Variants in NPRL3 observed in about 807,000 individuals in gnomAD.
NPRL3 encodes GATOR1 complex protein NPRL3.
Under a neutral mutation model 57.2 loss-of-function variants are expected in NPRL3, and 23 were observed. The observed-to-expected ratio is 0.40, with a 90% confidence interval of 0.29 to 0.57. The LOEUF is 0.57. Among genes scored for constraint, NPRL3 ranks in the 20% least tolerant of loss-of-function variants. The pLI, the probability that NPRL3 is intolerant of heterozygous loss-of-function variation, is 0.42. For missense variants in NPRL3, 691 were observed against 767.1 expected, an observed-to-expected ratio of 0.90 and a Z score of 1.17; for synonymous variants, 333 against 321.1, an observed-to-expected ratio of 1.04 and a Z score of -0.39.
rs142080016 is a variant in NPRL3 at position 110,516 on chromosome 16, C to G, written c.629+9G>C. ...GAAGGAGGTTAATAAGCACACCCAC[C>G]TGTCTTACCTGTCATAAGCTTCCTT... On this transcript the variant is annotated intron_variant, in intron 7 of 13. Transcript: ENST00000611875. 5.3e-4 allele frequency: 853 copies of G among 1,608,376 alleles called. No homozygotes were observed. The African/African-American group carries it at 0.01, about 19-fold the overall frequency.
chr16:87,557 G>A (rs1485293430), intron 13 of NPRL3, among the ~76,000 whole-genome samples: 1 of 134,878 alleles, frequency 7.4e-6, no homozygotes, highest in African/African-American at 2.8e-5. Context: ...TTTTTGAGAC[G>A]GAGTCTCGCT....
intron 3 of NPRL3, among the ~76,000 whole-genome samples, chr16:129,285 T>A (rs1290633534): frequency 6.6e-6 from 1 of 152,104 alleles, no homozygotes; most frequent in Non-Finnish European, 1.5e-5. Flanking sequence ...GAACAGGAAA[T>A]ACCTACCCAC....
rs542308169 is a variant in NPRL3, at chr16:96,004, C to G, written c.924+2141G>C. On this transcript the variant is annotated intron_variant, in intron 9 of 13. Coordinates refer to ENST00000611875, the MANE Select transcript of NPRL3 (RefSeq NM_001077350.3). ...CCGCACCGCCACACCAGCAGCAACG[C>G]CCTGCTGACCTGCAGCAGGGACAGC... Among the ~76,000 whole-genome samples the G allele has an allele frequency of 3.9e-5, 6 of 152,316 alleles. No homozygotes were observed. In the South Asian group the frequency reaches 1.2e-3, roughly 32 times the overall value.
chr16:131,854 C>T (rs929998554), intron 2 of NPRL3, among the ~76,000 whole-genome samples: 3 of 152,164 alleles, frequency 2.0e-5, no homozygotes, highest in African/African-American at 7.2e-5. Flanking sequence ...CACCACAGAA[C>T]TTCTTTCAGA....
chr16:108,660 TTTG>T (rs1448168313), intron 7 of NPRL3, among the ~76,000 whole-genome samples: 4 of 84,208 alleles, frequency 4.8e-5, no homozygotes, highest in African/African-American at 2.2e-4. Context: ...TTATTTTACT[TTTG>T]TTTTTTAATT....
intron 5 of NPRL3, among the ~76,000 whole-genome samples, chr16:115,732 C>T (rs886249121): frequency 2.6e-5 from 4 of 152,176 alleles, no homozygotes; most frequent in South Asian, 2.1e-4. Context: ...GTGATCCGCC[C>T]GCTTCAGCCT....
At chr16:95,643 C>T (rs1209374602) in intron 9 of NPRL3, among the ~76,000 whole-genome samples, 1 of 152,078 alleles carries the variant, frequency 6.6e-6, no homozygotes, top group Non-Finnish European at 1.5e-5. Flanking sequence ...AATCACAATT[C>T]ACTGCAGCCT....
At chr16:93,394 C>T (rs1344430980) in intron 9 of NPRL3, 69 bp from the exon 10 acceptor site, 4 of 1,041,914 alleles carry the variant, frequency 3.8e-6, no homozygotes, top group South Asian at 1.4e-5. Flanking sequence ...CAGCAGCTCT[C>T]AGCCTGGGTG....
At chr16:109,024 A>G (rs1483455060) in intron 7 of NPRL3, among the ~76,000 whole-genome samples, 4 of 149,614 alleles carry the variant, frequency 2.7e-5, no homozygotes, top group African/African-American at 9.9e-5. Flanking sequence ...GCCAGAGTAC[A>G]ATGGTACAAC....
chr16:93,365 C>G (rs887404817), intron 9 of NPRL3, 40 bp from the exon 10 acceptor site: 1 of 1,373,436 alleles, frequency 7.3e-7, no homozygotes, highest in South Asian at 1.2e-5. Context: ...ATGCCTGAGG[C>G]TGGCCCACCG....
intron 11 of NPRL3, among the ~76,000 whole-genome samples, chr16:92,126 TACCC>T (rs1233369063): frequency 6.6e-6 from 1 of 152,128 alleles, no homozygotes; most frequent in Non-Finnish European, 1.5e-5. Context: ...CCAGAACTCA[TACCC>T]ACAGACCCTG....
intron 12 of NPRL3, 171 bp from the exon 13 acceptor site, chr16:89,061 C>T: frequency 1.6e-6 from 1 of 634,252 alleles, no homozygotes; most frequent in Admixed American, 2.7e-5. Context: ...GTGACACGCC[C>T]CTCATACGGC....
At chr16:97,695 G>A (rs1899079159) in intron 9 of NPRL3, among the ~76,000 whole-genome samples, 1 of 152,008 alleles carries the variant, frequency 6.6e-6, no homozygotes, top group African/African-American at 2.4e-5. Flanking sequence ...GCACACACAG[G>A]GGCGTAAGGC....
At chr16:129,079 A>G (rs1202441151) in intron 3 of NPRL3, among the ~76,000 whole-genome samples, 1 of 152,236 alleles carries the variant, frequency 6.6e-6, no homozygotes, top group Non-Finnish European at 1.5e-5. Context: ...TATTAAATTA[A>G]TTCCCTAGAA....
intron 7 of NPRL3, among the ~76,000 whole-genome samples, chr16:105,812 C>T (rs920333173): frequency 6.6e-6 from 1 of 152,148 alleles, no homozygotes. Context: ...CTGGGAGACA[C>T]AATTCAATGG....
chr16:125,267 A>G (rs551953082), intron 3 of NPRL3, among the ~76,000 whole-genome samples: 12 of 152,302 alleles, frequency 7.9e-5, no homozygotes, highest in Non-Finnish European at 1.6e-4. Flanking sequence ...CAGGTTGTAC[A>G]GTATGAAAGC....
intron 11 of NPRL3, among the ~76,000 whole-genome samples, chr16:91,846 T>G (rs767091411): frequency 2.6e-5 from 4 of 152,224 alleles, no homozygotes; most frequent in Non-Finnish European, 5.9e-5. Context: ...GTATCCTATC[T>G]GGCCCTGCTC....
At chr16:107,710 T>C (rs1899599160) in intron 7 of NPRL3, among the ~76,000 whole-genome samples, 1 of 152,164 alleles carries the variant, frequency 6.6e-6, no homozygotes, top group Admixed American at 6.5e-5. Flanking sequence ...TGGAGTACAG[T>C]GGCTACTCAG....
intron 4 of NPRL3, among the ~76,000 whole-genome samples, chr16:118,796 G>A (rs529441822): frequency 2.0e-5 from 3 of 152,356 alleles, no homozygotes; most frequent in Admixed American, 1.3e-4. Flanking sequence ...GCCGGCCCAG[G>A]GAGAGCCACA....
Sources: allele counts gnomAD v4.1 joint callset (sites outside exome capture counted in the v4.1 genomes callset), GRCh38; gene constraint gnomAD v4.1.1; transcripts MANE v1.5; gene names NCBI Gene and HGNC (gene_info 2026-07-23, HGNC 2026-07-21).